ZFPM2: variants seen among roughly 807,000 people sequenced by gnomAD.
The protein encoded by ZFPM2 is zinc finger protein, FOG family member 2.
A neutral mutation model predicts 98.6 loss-of-function variants in ZFPM2; 20 were observed. That is an observed-to-expected ratio of 0.20 (90% confidence interval 0.14 to 0.29). The LOEUF is 0.29. Ranked by LOEUF, ZFPM2 falls within the 10% of genes least tolerant of loss-of-function variation. The pLI is 1.00. For synonymous variants in ZFPM2, 518 were observed against 502.7 expected (o/e 1.03, Z -0.41); for missense variants, 1,310 against 1,388.6 (o/e 0.94, Z 0.90).
chr8:105,477,327 C>T (rs1369526271), intron 3 of ZFPM2, among the ~76,000 whole-genome samples: 1 of 148,792 alleles, frequency 6.7e-6, no homozygotes, highest in East Asian at 2.0e-4. Context: ...TCACTGCAGC[C>T]TCCACCTCCT....
chr8:105,419,479 TAACC>T (rs1811751113), intron 2 of ZFPM2, among the ~76,000 whole-genome samples, 177 bp downstream of exon 2: 1 of 152,178 alleles, frequency 6.6e-6, no homozygotes, highest in Non-Finnish European at 1.5e-5. Flanking sequence ...TCCACTCTAA[TAACC>T]AGTAATTTTT....
At chr8:105,785,687 T>A (rs1813394363) in intron 5 of ZFPM2, among the ~76,000 whole-genome samples, 1 of 151,098 alleles carries the variant, frequency 6.6e-6, no homozygotes, top group Non-Finnish European at 1.5e-5. Flanking sequence ...GAGGATTGCT[T>A]GAGCCCGGGA....
intron 5 of ZFPM2, among the ~76,000 whole-genome samples, chr8:105,759,597 T>TGTGTGTGTGTGTATGCAC (rs1464423838): frequency 6.6e-6 from 1 of 151,800 alleles, no homozygotes; most frequent in African/African-American, 2.4e-5. Flanking sequence ...TGTGTGTGTG[T>TGTGTGTGTGTGTATGCAC]GTGTGTGTGT....
rs553061314 is a variant in ZFPM2 at position 105,549,958 on chromosome 8, A to G, written c.302-11405A>G. ...GCTAGTAATGCATAATATGTCATTT[A>G]GTGCTTATTCTTCAGAGAAAATATT... On this transcript the variant is annotated intron_variant, in intron 3 of 7. Coordinates refer to ENST00000407775, the MANE Select transcript of ZFPM2 (RefSeq NM_012082.4). Among the ~76,000 whole-genome samples the G allele has an allele frequency of 7.6e-3, 1,161 of 151,880 alleles. 15 individuals are homozygous for G. The highest frequency in any genetic ancestry group is 0.026 in the African/African-American group (1,090 of 41,356).
At chr8:105,491,023 A>G (rs1337911816) in intron 3 of ZFPM2, among the ~76,000 whole-genome samples, 1 of 152,116 alleles carries the variant, frequency 6.6e-6, no homozygotes, top group Admixed American at 6.6e-5. Flanking sequence ...TTATGCAAAC[A>G]TCTTGTTTTT....
intron 3 of ZFPM2, among the ~76,000 whole-genome samples, chr8:105,486,472 T>C (rs1813232451): frequency 6.6e-6 from 1 of 152,102 alleles, no homozygotes; most frequent in Non-Finnish European, 1.5e-5. Context: ...TGAAATGTTT[T>C]TGCCCTTGGA....
chr8:105,551,701 C>T (rs1415587959), intron 3 of ZFPM2, among the ~76,000 whole-genome samples: 2 of 152,236 alleles, frequency 1.3e-5, no homozygotes, highest in Admixed American at 1.3e-4. Context: ...CCTCTCCACT[C>T]CCAGCTGGAA....
intron 4 of ZFPM2, among the ~76,000 whole-genome samples, chr8:105,615,808 A>T (rs1409978067): frequency 1.3e-5 from 2 of 152,080 alleles, no homozygotes; most frequent in African/African-American, 4.8e-5. Context: ...AGGTAATCTA[A>T]CCACTTACTG....
chr8:105,348,723 T>C (rs963924356), intron 1 of ZFPM2, among the ~76,000 whole-genome samples: 1 of 152,180 alleles, frequency 6.6e-6, no homozygotes, highest in African/African-American at 2.4e-5. Context: ...AAAAGTCTTA[T>C]TAGATGATTG....
At chr8:105,630,300 T>G (rs1378176593) in intron 4 of ZFPM2, among the ~76,000 whole-genome samples, 1 of 152,218 alleles carries the variant, frequency 6.6e-6, no homozygotes, top group Non-Finnish European at 1.5e-5. Context: ...TCATGGATTT[T>G]TCTGGAGTGT....
intron 1 of ZFPM2, among the ~76,000 whole-genome samples, chr8:105,379,962 T>C (rs1388838476): frequency 6.6e-6 from 1 of 152,142 alleles, no homozygotes; most frequent in African/African-American, 2.4e-5. Context: ...TATTCATTAT[T>C]GTAGTCCTAA....
intron 5 of ZFPM2, among the ~76,000 whole-genome samples, chr8:105,714,230 G>T (rs1392290665): frequency 6.6e-6 from 1 of 151,976 alleles, no homozygotes; most frequent in Non-Finnish European, 1.5e-5. Context: ...GGTTGCAATT[G>T]TAAATAAGAT....
chr8:105,390,813 C>T (rs560200404), intron 1 of ZFPM2, among the ~76,000 whole-genome samples: 1 of 152,010 alleles, frequency 6.6e-6, no homozygotes, highest in Non-Finnish European at 1.5e-5. Context: ...AACATTCTAG[C>T]TTAAATTGAT....
chr8:105,673,897 C>T (rs1817642412), intron 5 of ZFPM2, among the ~76,000 whole-genome samples: 1 of 151,990 alleles, frequency 6.6e-6, no homozygotes, highest in Non-Finnish European at 1.5e-5. Context: ...TCAGTTCTTT[C>T]CAAAGAGGAA....
At chr8:105,536,463 T>A (rs936060100) in intron 3 of ZFPM2, among the ~76,000 whole-genome samples, 2 of 152,022 alleles carry the variant, frequency 1.3e-5, no homozygotes, top group Non-Finnish European at 2.9e-5. Context: ...TATGCTGTAC[T>A]CCTCAAGTTG....
At chr8:105,628,307 A>G (rs1475194877) in intron 4 of ZFPM2, among the ~76,000 whole-genome samples, 1 of 152,202 alleles carries the variant, frequency 6.6e-6, no homozygotes, top group Non-Finnish European at 1.5e-5. Flanking sequence ...GATATGATGT[A>G]TCTGATTTTA....
intron 1 of ZFPM2, among the ~76,000 whole-genome samples, chr8:105,413,437 A>C (rs1811616472): frequency 6.7e-6 from 1 of 150,274 alleles, no homozygotes; most frequent in Non-Finnish European, 1.5e-5. Context: ...GAAAGGTAGC[A>C]TCATTTGACA....
At chr8:105,605,795 A>G (rs181966841) in intron 4 of ZFPM2, among the ~76,000 whole-genome samples, 1 of 152,200 alleles carries the variant, frequency 6.6e-6, no homozygotes, top group Admixed American at 6.6e-5. Context: ...TCCATTTTCA[A>G]ACCTATACTA....
At chr8:105,419,113 T>A (rs1253740233) in intron 1 of ZFPM2, 31 bp from the exon 2 acceptor site, 2 of 1,598,774 alleles carry the variant, frequency 1.3e-6, no homozygotes, top group African/African-American at 2.7e-5. Flanking sequence ...CTTGCATATT[T>A]TTGGTACAGT....
Sources: allele counts gnomAD v4.1 joint callset (sites outside exome capture counted in the v4.1 genomes callset), GRCh38; gene constraint gnomAD v4.1.1; transcripts MANE v1.5; gene names NCBI Gene and HGNC (gene_info 2026-07-23, HGNC 2026-07-21).